CEP350: variants seen among roughly 807,000 people sequenced by gnomAD.
CEP350 encodes the protein centrosomal protein 350.
CEP350 carries 126 observed loss-of-function variants against 331.8 expected under a neutral mutation model. The observed-to-expected ratio is 0.38, with a 90% CI of 0.33 to 0.44. The LOEUF is 0.44. Ranked by LOEUF, CEP350 falls within the 20% of genes least tolerant of loss-of-function variation. The pLI is 1.00. For synonymous variants in CEP350, 1,200 were observed against 1,259.5 expected (o/e 0.95, Z 1.00); for missense variants, 3,406 against 3,634.6 (o/e 0.94, Z 1.62).
Position 180,054,672 on chromosome 1 carries a change from A to T in CEP350, c.5262+170A>T, listed in dbSNP as rs142244801. ...AATTATAGGGGTTGCTTGGTAATCTACTGTATTTCTCCTAAATGAGGATTG... is the reference window on the plus strand; with the variant it reads ...AATTATAGGGGTTGCTTGGTAATCTTCTGTATTTCTCCTAAATGAGGATTG... On this transcript the variant is annotated intron_variant, in intron 25 of 37. Coordinates refer to ENST00000367607, the MANE Select transcript of CEP350 (RefSeq NM_014810.5). Among the ~76,000 whole-genome samples, 979 of 152,268 alleles carry T rather than the reference A, an allele frequency of 6.4e-3. 4 individuals are homozygous for T. The highest frequency in any genetic ancestry group is 8.1e-3 in the South Asian group (39 of 4,830).
At chr1:180,039,816 G>A (rs1656638628) in intron 17 of CEP350, among the ~76,000 whole-genome samples, 1 of 152,002 alleles carries the variant, frequency 6.6e-6, no homozygotes, top group Non-Finnish European at 1.5e-5. Flanking sequence ...AAAAAGCCTG[G>A]TAGGATTTTC....
chr1:180,088,609 A>T (rs1659997228), intron 32 of CEP350, among the ~76,000 whole-genome samples: 1 of 152,124 alleles, frequency 6.6e-6, no homozygotes, highest in South Asian at 2.1e-4. Flanking sequence ...GTATTTTGGG[A>T]CATTTTTGTT....
intron 37 of CEP350, among the ~76,000 whole-genome samples, chr1:180,110,022 G>A (rs1341990348): frequency 6.6e-6 from 1 of 152,204 alleles, no homozygotes; most frequent in Admixed American, 6.5e-5. Context: ...ATTTCTACTT[G>A]ATTAGTTTTT....
chr1:180,020,361 G>A lies in CEP350; in HGVS notation c.2587G>A (p.Val863Met), dbSNP rs767134313. 3 of 1,613,800 alleles carry A rather than the reference G, an allele frequency of 1.9e-6. No homozygotes were observed. Among genetic ancestry groups the A allele is most frequent in the Non-Finnish European group, 2.5e-6 (3 of 1,179,908 alleles). ...GTCAGCATGGAACACTGAGTATGAT[G>A]TGCAGCAGGCACCTCAAGAAGATGG... ...YGSAWNTEYD[V>M]QQAPQEDGPW... Residue 863 changes from valine to methionine, a missense_variant, in exon 12 of 38, where the codon GTG becomes ATG. Around this residue, in one of 5 missense-constraint regions of CEP350, gnomAD observed 1,857 missense variants for 1,909.2 expected, o/e 0.97. Transcript: ENST00000367607.
chr1:179,954,914 T>A lies in CEP350; in HGVS notation c.-242T>A, dbSNP rs1650050046. 11 of 670,556 alleles carry A rather than the reference T, an allele frequency of 1.6e-5. No individual in the cohort carries two copies. In the South Asian group the frequency reaches 3.2e-4, roughly 20 times the overall value. The allele number at this position is 670,556 out of a possible 1,614,324, so 41.5% of individuals were successfully genotyped here. On this transcript the variant is annotated 5_prime_UTR_variant, in exon 1 of 38. Transcript: ENST00000367607. ...AGAGAGAACTGCAGGGAGCCGCAGC[T>A]CGGGGGGTGGCTTGCCCTGAGGGAG...
At chr1:180,072,668 A>G (rs1310246311) in intron 27 of CEP350, among the ~76,000 whole-genome samples, 1 of 152,124 alleles carries the variant, frequency 6.6e-6, no homozygotes. Flanking sequence ...ATGTGTGTGT[A>G]AGTGAAGGGG....
intron 28 of CEP350, among the ~76,000 whole-genome samples, chr1:180,077,869 C>T (rs925018982): frequency 5.9e-5 from 9 of 152,098 alleles, no homozygotes; most frequent in African/African-American, 2.2e-4. Flanking sequence ...CATGGTGGCT[C>T]ACGCCTGTAA....
intron 9 of CEP350, among the ~76,000 whole-genome samples, chr1:180,012,778 A>G (rs1260652387): frequency 1.3e-5 from 2 of 152,226 alleles, no homozygotes; most frequent in Non-Finnish European, 2.9e-5. Flanking sequence ...TACATATACA[A>G]TACTTTGTAT....
At chr1:179,956,327 AT>A (rs1332087905) in intron 1 of CEP350, among the ~76,000 whole-genome samples, 1 of 152,240 alleles carries the variant, frequency 6.6e-6, no homozygotes, top group African/African-American at 2.4e-5. Context: ...AATACATTGT[AT>A]ATGTGGATAA....
In CEP350 at chr1:180,024,445, A is replaced by G. The variant is rs763612746; in HGVS notation, c.3413A>G (p.His1138Arg). 5 of 1,612,680 alleles carry G rather than the reference A, an allele frequency of 3.1e-6. No homozygotes were observed. The highest frequency in any genetic ancestry group is 4.2e-6 in the Non-Finnish European group (5 of 1,179,330). ...AGCACTTTAAGCCCTCAGGAGGACC[A>G]TTCTAACAGAAAGTCTGCCTATGAT... ...PHSTLSPQEDHSNRKSAYDPS... is the reference protein window; with the variant it reads ...PHSTLSPQEDRSNRKSAYDPS... The change falls in exon 14 of 38, where the codon CAT becomes CGT. Residue 1138 changes from histidine (H) to arginine (R), a missense_variant. By Grantham distance (29) the His-to-Arg change is conservative. Coordinates refer to ENST00000367607, the MANE Select transcript of CEP350 (RefSeq NM_014810.5).
Position 180,056,632 on chromosome 1 carries a change from G to C in CEP350, c.5262+2130G>C, listed in dbSNP as rs529520722. Among the ~76,000 whole-genome samples, 322 of 151,928 alleles carry C rather than the reference G, an allele frequency of 2.1e-3. 1 individual carries two copies. The highest frequency in any genetic ancestry group is 7.1e-3 in the African/African-American group (296 of 41,446). Reference sequence around the variant, plus strand: ...CCACAGGTGTGCGCCACCAGTGCCAGGTAATTTTTTGTAGAGATGGGGTTT... The same window carrying C: ...CCACAGGTGTGCGCCACCAGTGCCACGTAATTTTTTGTAGAGATGGGGTTT... On this transcript the variant is annotated intron_variant, in intron 25 of 37. Transcript: ENST00000367607.
chr1:180,069,611 A>G (rs1658766964), intron 27 of CEP350, among the ~76,000 whole-genome samples: 1 of 152,102 alleles, frequency 6.6e-6, no homozygotes, highest in African/African-American at 2.4e-5. Context: ...TATTTTGTTT[A>G]CTTAGGTGTA....
At chr1:179,958,861 C>T (rs1004701793) in intron 1 of CEP350, among the ~76,000 whole-genome samples, 1 of 151,990 alleles carries the variant, frequency 6.6e-6, no homozygotes, top group Non-Finnish European at 1.5e-5. Context: ...ATTTAAAAAA[C>T]ACATAGACAA....
At chr1:180,095,424 A>G (rs989234290) in intron 34 of CEP350, 99 bp from the exon 35 acceptor site, 1 of 1,313,624 alleles carries the variant, frequency 7.6e-7, no homozygotes, top group African/African-American at 1.5e-5. Context: ...ATAGAGAAAT[A>G]TTAGATATAT....
At chr1:180,094,758 A>G (rs912617884) in intron 34 of CEP350, 142 bp downstream of exon 34, 2 of 916,022 alleles carry the variant, frequency 2.2e-6, no homozygotes, top group African/African-American at 1.7e-5. Flanking sequence ...TTAGAGAAGG[A>G]TCACTGTACT....
In CEP350 at chr1:180,096,226, G is replaced by A. The variant is rs753891002; in HGVS notation, c.9066+42G>A. 4.0e-6 allele frequency: 6 copies of A among 1,516,582 alleles called. No homozygotes were observed. In the Admixed American group the frequency reaches 1.1e-4, roughly 29 times the overall value. 93.9% of individuals were successfully genotyped at this position (1,516,582 alleles called of 1,614,324 possible). On this transcript the variant is annotated intron_variant, in intron 36 of 37. Transcript: ENST00000367607. Reference sequence around the variant, plus strand: ...AAAGTGTCTTCTTTTTTGACTTGCTGTTCATTTACACATATCTGTAAATGT... The same window carrying A: ...AAAGTGTCTTCTTTTTTGACTTGCTATTCATTTACACATATCTGTAAATGT...
chr1:179,992,231 G>GA lies in CEP350; in HGVS notation c.395+11dup. ...CTTTGGTTTCTTATAGGTTAGTATTGAGAAAAAAAAAAGGTATCAAATAGG... is the reference window on the plus strand; with the variant it reads ...CTTTGGTTTCTTATAGGTTAGTATTGAAGAAAAAAAAAAGGTATCAAATAGG... On this transcript the variant is annotated intron_variant, in intron 5 of 37. Coordinates refer to ENST00000367607, the MANE Select transcript of CEP350 (RefSeq NM_014810.5). 3 of 1,443,084 alleles carry GA rather than the reference G, an allele frequency of 2.1e-6. No homozygotes were observed. The highest frequency in any genetic ancestry group is 2.8e-5 in the East Asian group (1 of 35,360). The allele number at this position is 1,443,084 out of a possible 1,614,324, so 89.4% of individuals were successfully genotyped here.
In CEP350 at chr1:180,048,571, C is replaced by T. The variant is rs371242522; in HGVS notation, c.4658C>T (p.Ser1553Leu). 6 of 1,608,356 alleles carry T rather than the reference C, an allele frequency of 3.7e-6. No individual in the cohort carries two copies. In the Admixed American group the frequency reaches 5.0e-5, roughly 14 times the overall value. ...GGTAGCAGCCGCCAAGAAAGTCCTTCAGTTCCATCTTGTAAGGAAAATGAG... is the reference window on the plus strand; with the variant it reads ...GGTAGCAGCCGCCAAGAAAGTCCTTTAGTTCCATCTTGTAAGGAAAATGAG... ...SSGSSRQESP[S>L]VPSCKENEKK... The change falls in exon 22 of 38, where the codon TCA (serine) becomes TTA (leucine). Residue 1553 changes from serine (S) to leucine (L), a missense_variant. Physicochemically the swap from Ser to Leu is moderately radical, Grantham distance 145 (BLOSUM62 -2). This residue lies in a region of CEP350 where 1,857 missense variants were observed against 1,909.2 expected (regional missense o/e 0.97). Transcript: ENST00000367607.
intron 37 of CEP350, among the ~76,000 whole-genome samples, chr1:180,101,994 T>G (rs913789123): frequency 6.6e-6 from 1 of 152,148 alleles, no homozygotes; most frequent in African/African-American, 2.4e-5. Context: ...TCTGAAAGCT[T>G]CATGACATCA....
Sources: gnomAD v4.1 joint callset for allele counts (sites outside exome capture counted in the v4.1 genomes callset) on GRCh38, gnomAD v4.1.1 for gene constraint, gnomAD v4.1.1 regional missense constraint, MANE v1.5 for transcripts, NCBI Gene and HGNC (gene_info 2026-07-23, HGNC 2026-07-21) for gene names.